Variants in MED12L observed in about 807,000 individuals in gnomAD.
MED12L encodes mediator of RNA polymerase II transcription subunit 12-like protein.
Under a neutral mutation model 281.3 loss-of-function variants are expected in MED12L, and 60 were observed. That is an observed-to-expected ratio of 0.21 (90% CI 0.17 to 0.26). The LOEUF (loss-of-function observed/expected upper bound fraction) is 0.26, where lower values mean the gene tolerates loss of function less well. Ranked by LOEUF, MED12L falls within the 10% of genes least tolerant of loss-of-function variation. The probability of loss-of-function intolerance (pLI) is 1.00; values close to 1 mark genes in which losing one functional copy is unlikely to be tolerated. For synonymous variants in MED12L, 974 were observed against 987.2 expected, an observed-to-expected ratio of 0.99 and a Z score of 0.25; for missense variants, 2,146 against 2,680.9, an observed-to-expected ratio of 0.80 and a Z score of 4.41.
At chr3:151,333,148 G>A (rs1239483518) in intron 16 of MED12L, among the ~76,000 whole-genome samples, 1 of 152,168 alleles carries the variant, frequency 6.6e-6, no homozygotes, top group Non-Finnish European at 1.5e-5. Flanking sequence ...GTATACCAAT[G>A]ATAAGAATTT....
intron 16 of MED12L, chr3:151,294,142 T>TA: frequency 7.7e-7 from 1 of 1,298,004 alleles, no homozygotes; most frequent in East Asian, 2.3e-5. Context: ...ACTTTGTACA[T>TA]ATCGATTCCA....
chr3:151,129,685 A>C (rs973018853), intron 5 of MED12L, among the ~76,000 whole-genome samples: 1 of 150,660 alleles, frequency 6.6e-6, no homozygotes, highest in Non-Finnish European at 1.5e-5. Context: ...TTCAGCCTTC[A>C]CACACACATA....
At chr3:151,149,643 A>G (rs1307825547) in intron 5 of MED12L, among the ~76,000 whole-genome samples, 1 of 151,910 alleles carries the variant, frequency 6.6e-6, no homozygotes, top group African/African-American at 2.4e-5. Context: ...ACATTCATTG[A>G]CTCTTCATTT....
At chr3:151,343,294 A>G (rs1289273643) in intron 16 of MED12L, among the ~76,000 whole-genome samples, 1 of 152,216 alleles carries the variant, frequency 6.6e-6, no homozygotes, top group Non-Finnish European at 1.5e-5. Flanking sequence ...ACTAATTCAG[A>G]ATACTTAAGT....
intron 9 of MED12L, among the ~76,000 whole-genome samples, chr3:151,165,032 T>TAA (rs11450364): frequency 0.031 from 4,638 of 149,868 alleles, 236 homozygotes; most frequent in African/African-American, 0.11. Flanking sequence ...ATTCATCCAT[T>TAA]AAAAAAAAAG....
Position 151,091,805 on chromosome 3 carries a change from CTGGCTT to C in MED12L, c.99+4783_99+4788del, listed in dbSNP as rs1316377247. ...CAGTCATTGCCTGCAGCCAAACAGC[CTGGCTT>C]TGAGTTCTGGCTACTCTGTTTACTG... On this transcript the variant is annotated intron_variant, in intron 2 of 44. Transcript: ENST00000687756. Among the ~76,000 whole-genome samples the C allele has an allele frequency of 5.9e-5, 9 of 152,362 alleles. No individual in the cohort carries two copies. The East Asian group carries it at 1.7e-3, about 29-fold the overall frequency.
intron 39 of MED12L, among the ~76,000 whole-genome samples, chr3:151,407,700 A>G (rs1161441981): frequency 3.3e-5 from 5 of 152,348 alleles, no homozygotes; most frequent in Admixed American, 3.3e-4. Flanking sequence ...TTTTTAACAG[A>G]TTAATGAGTT....
At chr3:151,227,691 G>C (rs1045362845) in intron 16 of MED12L, among the ~76,000 whole-genome samples, 1 of 152,168 alleles carries the variant, frequency 6.6e-6, no homozygotes, top group Non-Finnish European at 1.5e-5. Flanking sequence ...TGGCAAACTG[G>C]GGGCCAGGAA....
At chr3:151,399,462 G>A (rs1386775456) in intron 39 of MED12L, among the ~76,000 whole-genome samples, 1 of 152,112 alleles carries the variant, frequency 6.6e-6, no homozygotes, top group Non-Finnish European at 1.5e-5. Context: ...TTGCTTAGTG[G>A]TTACCAATAG....
At chr3:151,099,449 GT>G (rs368705680) in intron 2 of MED12L, among the ~76,000 whole-genome samples, 1 of 151,958 alleles carries the variant, frequency 6.6e-6, no homozygotes, top group Non-Finnish European at 1.5e-5. Flanking sequence ...GTTAAACTGT[GT>G]TTTTTTAATG....
chr3:151,329,108 T>C, intron 16 of MED12L: 1 of 785,550 alleles, frequency 1.3e-6, no homozygotes, highest in East Asian at 2.6e-5. Flanking sequence ...TATAGCATAT[T>C]AACATCCTGC....
At chr3:151,409,486 A>T (rs113592926) in intron 40 of MED12L, among the ~76,000 whole-genome samples, 154 bp downstream of exon 40, 1 of 152,258 alleles carries the variant, frequency 6.6e-6, no homozygotes, top group African/African-American at 2.4e-5. Flanking sequence ...TCAAAAAAGC[A>T]TGATCAGGAT....
Position 151,165,783 on chromosome 3 carries a change from G to T in MED12L, c.1358-63G>T. ...TTGCCTCACATAGAATGGTGATTTT[G>T]TACTGTGTTATAACTGTGTTATTTT... On this transcript the variant is annotated intron_variant, in intron 10 of 44. Coordinates refer to ENST00000687756, the MANE Select transcript of MED12L (RefSeq NM_001393769.1). 4.0e-6 allele frequency: 6 copies of T among 1,505,920 alleles called. No individual in the cohort carries two copies. In the South Asian group the frequency reaches 7.3e-5, roughly 18 times the overall value. 93.3% of individuals were successfully genotyped at this position (1,505,920 alleles called of 1,614,324 possible). A position where few individuals can be genotyped will look rare whatever the true frequency, so the allele number is the denominator to read the frequency against.
Position 151,433,042 on chromosome 3 carries a change from G to T in MED12L, c.*238G>T, listed in dbSNP as rs933838417. On this transcript the variant is annotated 3_prime_UTR_variant, in exon 45 of 45. Transcript: ENST00000687756. ...TAGGTTTACAAATGTGAATCATGCAGGCAGGCCTACTCCCGGAAGAGTGTG... is the reference window on the plus strand; with the variant it reads ...TAGGTTTACAAATGTGAATCATGCATGCAGGCCTACTCCCGGAAGAGTGTG... 6.5e-6 allele frequency: 3 copies of T among 462,220 alleles called. No individual in the cohort carries two copies. Among genetic ancestry groups the T allele is most frequent in the African/African-American group, 6.0e-5 (3 of 50,390 alleles). The allele number at this position is 462,220 out of a possible 1,614,324, so 28.6% of individuals were successfully genotyped here. A position where few individuals can be genotyped will look rare whatever the true frequency, so the allele number is the denominator to read the frequency against.
intron 17 of MED12L, 76 bp from the exon 18 acceptor site, chr3:151,355,044 TA>T (rs981990195): frequency 2.2e-4 from 226 of 1,044,364 alleles, no homozygotes; most frequent in African/African-American, 7.2e-4. Flanking sequence ...TGCTATACTT[TA>T]AAAAAAAGTA....
chr3:151,367,179 T>G (rs773935777), intron 23 of MED12L, among the ~76,000 whole-genome samples: 5 of 152,140 alleles, frequency 3.3e-5, no homozygotes. Flanking sequence ...TTAAAACGAG[T>G]TTAATCATTA....
intron 26 of MED12L, among the ~76,000 whole-genome samples, chr3:151,370,682 T>A (rs1323198589): frequency 6.6e-6 from 1 of 152,206 alleles, no homozygotes; most frequent in African/African-American, 2.4e-5. Context: ...CGGTTCTACT[T>A]AATAAATAAA....
At chr3:151,386,601 G>C (rs754883212) in intron 36 of MED12L, among the ~76,000 whole-genome samples, 8 of 137,376 alleles carry the variant, frequency 5.8e-5, no homozygotes. Context: ...TTTCAAGACA[G>C]AGTCTTGCTC....
At chr3:151,248,701 T>G (rs1271462363) in intron 16 of MED12L, among the ~76,000 whole-genome samples, 1 of 152,174 alleles carries the variant, frequency 6.6e-6, no homozygotes, top group Non-Finnish European at 1.5e-5. Context: ...TAACTAGACT[T>G]GGTTTATTAC....
Sources: gnomAD v4.1 joint callset for allele counts (sites outside exome capture counted in the v4.1 genomes callset) on GRCh38, gnomAD v4.1.1 for gene constraint, MANE v1.5 for transcripts, NCBI Gene and HGNC (gene_info 2026-07-23, HGNC 2026-07-21) for gene names.